Variants in RANBP2 observed in about 807,000 individuals in gnomAD.
RANBP2 encodes the protein E3 SUMO-protein ligase RanBP2.
A neutral mutation model predicts 303.6 loss-of-function variants in RANBP2; 57 were observed. That is an observed-to-expected ratio of 0.19 (90% CI 0.15 to 0.23). The LOEUF (loss-of-function observed/expected upper bound fraction) is 0.23. Ranked by LOEUF, RANBP2 falls within the 10% of genes least tolerant of loss-of-function variation. RANBP2 has a pLI of 1.00. For synonymous variants in RANBP2, 1,167 were observed against 1,301.5 expected, an observed-to-expected ratio of 0.90 and a Z score of 2.23; for missense variants, 3,138 against 3,780.8, an observed-to-expected ratio of 0.83 and a Z score of 4.46.
the RANBP2 span, among the ~76,000 whole-genome samples, chr2:109,546,775 C>G: frequency 6.6e-6 from 1 of 151,874 alleles, no homozygotes. Flanking sequence ...GTCCTGAGAT[C>G]TAGGCTTAAA....
chr2:108,831,864 C>T, the RANBP2 span, among the ~76,000 whole-genome samples: 1 of 151,930 alleles, frequency 6.6e-6, no homozygotes, highest in Non-Finnish European at 1.5e-5. Flanking sequence ...TCCCGAGTAG[C>T]TGGGATTGCA....
chr2:108,884,722 ACT>A, the RANBP2 span: 1 of 151,948 alleles, frequency 6.6e-6, no homozygotes, highest in African/African-American at 2.4e-5. Flanking sequence ...CCCGGATAGG[ACT>A]CTCAAGCAGC....
At chr2:109,119,589 C>T in the RANBP2 span, among the ~76,000 whole-genome samples, 26 of 152,238 alleles carry the variant, frequency 1.7e-4, no homozygotes, top group Admixed American at 1.5e-3. Context: ...TTCTTTACTG[C>T]ATTAAATGTA....
chr2:109,716,568 C>G, the RANBP2 span, among the ~76,000 whole-genome samples: 1 of 148,558 alleles, frequency 6.7e-6, no homozygotes, highest in Non-Finnish European at 1.5e-5. Flanking sequence ...TTTTTTGAGA[C>G]AGGGTCTCAC....
chr2:109,552,001 T>A, the RANBP2 span, among the ~76,000 whole-genome samples: 1 of 152,098 alleles, frequency 6.6e-6, no homozygotes, highest in Non-Finnish European at 1.5e-5. Context: ...GGCTACACAG[T>A]ATAAGGTGAG....
the RANBP2 span, among the ~76,000 whole-genome samples, chr2:109,241,347 G>A: frequency 1.3e-5 from 2 of 152,178 alleles, no homozygotes; most frequent in East Asian, 1.9e-4. Flanking sequence ...TGGAAAAAAA[G>A]TATACAAAAT....
At chr2:108,981,522 A>G in the RANBP2 span, among the ~76,000 whole-genome samples, 1 of 152,162 alleles carries the variant, frequency 6.6e-6, no homozygotes. Context: ...TGCAGCCCAA[A>G]CAACACCTGT....
the RANBP2 span, among the ~76,000 whole-genome samples, chr2:109,421,318 T>C: frequency 2.6e-5 from 4 of 152,216 alleles, no homozygotes; most frequent in African/African-American, 9.6e-5. Context: ...ACCAGCTGAA[T>C]GCCTGTACAC....
chr2:109,615,169 C>T, the RANBP2 span: 4 of 1,548,886 alleles, frequency 2.6e-6, no homozygotes, highest in Non-Finnish European at 3.5e-6. Context: ...GGCAGCAGCC[C>T]GGGCAGCTCC....
the RANBP2 span, among the ~76,000 whole-genome samples, chr2:108,943,268 G>T: frequency 6.6e-6 from 1 of 152,190 alleles, no homozygotes; most frequent in Non-Finnish European, 1.5e-5. Context: ...CACCTGAGAC[G>T]GGTCTGCTCC....
intron 6 of RANBP2, among the ~76,000 whole-genome samples, chr2:108,738,317 C>T (rs139730843): frequency 0.062 from 9,015 of 146,156 alleles, 318 homozygotes; most frequent in South Asian, 0.15. Context: ...CCTTGTGATC[C>T]GCCCGCCTCG....
the RANBP2 span, among the ~76,000 whole-genome samples, chr2:109,217,373 A>G: frequency 6.6e-6 from 1 of 152,250 alleles, no homozygotes; most frequent in African/African-American, 2.4e-5. Flanking sequence ...GAATGAGGCT[A>G]CAGGTCAAAT....
At chr2:109,509,927 G>A in the RANBP2 span, among the ~76,000 whole-genome samples, 11 of 152,124 alleles carry the variant, frequency 7.2e-5, no homozygotes, top group African/African-American at 1.9e-4. Context: ...GATAGCTACC[G>A]GGCAAATACT....
the RANBP2 span, among the ~76,000 whole-genome samples, chr2:109,094,829 TCAAA>T: frequency 1.1e-4 from 17 of 152,086 alleles, no homozygotes; most frequent in African/African-American, 1.9e-4. Context: ...AGTCTCCATC[TCAAA>T]CAAACAAACA....
chr2:109,434,513 C>T, the RANBP2 span, among the ~76,000 whole-genome samples: 1 of 152,242 alleles, frequency 6.6e-6, no homozygotes, highest in Non-Finnish European at 1.5e-5. Context: ...AGTGTCACCA[C>T]AGGGAGCTCT....
At chr2:108,781,017 GTAT>G (rs1678219465) in intron 25 of RANBP2, among the ~76,000 whole-genome samples, 1 of 151,660 alleles carries the variant, frequency 6.6e-6, no homozygotes, top group African/African-American at 2.4e-5. Context: ...CCTAATTTTT[GTAT>G]TATTAGTAGA....
At chr2:108,751,813 T>C (rs1675908501) in intron 11 of RANBP2, 58 bp from the exon 12 acceptor site, 1 of 1,611,998 alleles carries the variant, frequency 6.2e-7, no homozygotes, top group South Asian at 1.1e-5. Context: ...CATATATGTA[T>C]GTAAGCCCTG....
chr2:108,910,766 G>A, the RANBP2 span: 2 of 1,612,614 alleles, frequency 1.2e-6, no homozygotes, highest in Non-Finnish European at 8.5e-7. Flanking sequence ...GGAAGCCCTG[G>A]TTCACAGACC....
At chr2:109,239,684 G>A in the RANBP2 span, among the ~76,000 whole-genome samples, 522 of 152,272 alleles carry the variant, frequency 3.4e-3, 4 homozygotes, top group African/African-American at 0.012. Context: ...TCTTGGTGGA[G>A]TAATAGATTT....
Sources: allele counts gnomAD v4.1 joint callset (sites outside exome capture counted in the v4.1 genomes callset), GRCh38; gene constraint gnomAD v4.1.1; transcripts MANE v1.5; gene names NCBI Gene and HGNC (gene_info 2026-07-23, HGNC 2026-07-21).